Variants in ROR2 observed in about 807,000 individuals in gnomAD.
ROR2 encodes tyrosine-protein kinase transmembrane receptor ROR2.
Under a neutral mutation model 74.9 loss-of-function variants are expected in ROR2, and 33 were observed. That is an observed-to-expected ratio of 0.44 (90% confidence interval 0.33 to 0.59). The LOEUF (loss-of-function observed/expected upper bound fraction) is 0.59, where lower values mean the gene tolerates loss of function less well. Among genes scored for constraint, ROR2 ranks in the 20% least tolerant of loss-of-function variants. The pLI, the probability that ROR2 is intolerant of heterozygous loss-of-function variation, is 0.02. For synonymous variants in ROR2, 586 were observed against 558.7 expected (o/e 1.05, Z -0.69); for missense variants, 1,216 against 1,313.8 (o/e 0.93, Z 1.15).
intron 1 of ROR2, among the ~76,000 whole-genome samples, chr9:91,934,262 C>T (rs1195858109): frequency 6.6e-6 from 1 of 152,140 alleles, no homozygotes; most frequent in Non-Finnish European, 1.5e-5. Flanking sequence ...ATACACTGTT[C>T]TGATAGAAAA....
At chr9:91,807,634 G>A (rs528430575) in intron 1 of ROR2, among the ~76,000 whole-genome samples, 3 of 152,270 alleles carry the variant, frequency 2.0e-5, no homozygotes, top group South Asian at 2.1e-4. Context: ...AATGAGGGGG[G>A]ATCAGACGCT....
rs573103641 is a variant in ROR2 at position 91,775,302 on chromosome 9, C to T, written c.175+439G>A. 1.4e-4 allele frequency among the ~76,000 whole-genome samples: 21 copies of T among 152,326 alleles called. No homozygotes were observed. The East Asian group carries it at 3.9e-3, about 28-fold the overall frequency. On this transcript the variant is annotated intron_variant, in intron 2 of 8. Transcript: ENST00000375708. Reference sequence around the variant, plus strand: ...GACCCTACAAATCTATGGTGCATTCCTGCAAGGTGTGCCAAGTGAGCATGG... The same window carrying T: ...GACCCTACAAATCTATGGTGCATTCTTGCAAGGTGTGCCAAGTGAGCATGG...
At chr9:91,892,532 A>ATTT (rs200794281) in intron 1 of ROR2, among the ~76,000 whole-genome samples, 6 of 128,160 alleles carry the variant, frequency 4.7e-5, no homozygotes, top group African/African-American at 1.7e-4. Context: ...TAAGTGTTGG[A>ATTT]TTTTTTTTTT....
chr9:91,934,643 C>A (rs2117986543), intron 1 of ROR2, among the ~76,000 whole-genome samples: 1 of 152,024 alleles, frequency 6.6e-6, no homozygotes, highest in South Asian at 2.1e-4. Context: ...TTTTTAGGGC[C>A]CCATAGAAAT....
In ROR2 at chr9:91,948,804, T is replaced by C. The variant is rs529580416; in HGVS notation, c.97+1063A>G. 1.2e-5 allele frequency: 12 copies of C among 985,462 alleles called. No individual in the cohort carries two copies. In the South Asian group the frequency reaches 1.4e-4, roughly 12 times the overall value. The allele number at this position is 985,462 out of a possible 1,614,324, so 61.0% of individuals were successfully genotyped here. On this transcript the variant is annotated intron_variant, in intron 1 of 8. Transcript: ENST00000375708. ...TTCCGGGGGCTTCAGGCGAACCCCA[T>C]AGGTCTCTGGCGCTCCTGGGCCTGA... is the stretch of plus-strand genomic sequence containing the variant.
At chr9:91,756,224 C>A in intron 3 of ROR2, 123 bp from the exon 4 acceptor site, 1 of 884,684 alleles carries the variant, frequency 1.1e-6, no homozygotes, top group Non-Finnish European at 1.9e-6. Context: ...CAGCTGTCCT[C>A]GGGCCTCAGG....
chr9:91,867,395 T>A (rs552877397), intron 1 of ROR2, among the ~76,000 whole-genome samples: 1 of 152,144 alleles, frequency 6.6e-6, no homozygotes, highest in Non-Finnish European at 1.5e-5. Context: ...AATTCTGCAA[T>A]TGGAGGAGCT....
intron 2 of ROR2, among the ~76,000 whole-genome samples, chr9:91,769,875 G>T (rs976594221): frequency 6.6e-6 from 1 of 152,174 alleles, no homozygotes; most frequent in Admixed American, 6.5e-5. Flanking sequence ...GCCTCATACT[G>T]GGACGTTTTC....
chr9:91,764,763 T>C (rs1242555884), intron 2 of ROR2, among the ~76,000 whole-genome samples: 1 of 152,178 alleles, frequency 6.6e-6, no homozygotes, highest in Non-Finnish European at 1.5e-5. Flanking sequence ...ATAACATTCA[T>C]TCTTTGGGTA....
At chr9:91,845,063 G>C (rs1010531948) in intron 1 of ROR2, among the ~76,000 whole-genome samples, 16 of 152,102 alleles carry the variant, frequency 1.1e-4, no homozygotes, top group Admixed American at 1.0e-3. Flanking sequence ...GGCCTGTAAG[G>C]GGAGGGGCAG....
At chr9:91,922,610 T>C (rs1892264) in intron 1 of ROR2, among the ~76,000 whole-genome samples, 7 of 152,212 alleles carry the variant, frequency 4.6e-5, no homozygotes, top group Non-Finnish European at 1.0e-4. Flanking sequence ...CGTACCACCA[T>C]GCCCGGCTAA....
chr9:91,851,780 G>C (rs1189379251), intron 1 of ROR2, among the ~76,000 whole-genome samples: 2 of 152,066 alleles, frequency 1.3e-5, no homozygotes, highest in Non-Finnish European at 2.9e-5. Context: ...TTCCAGACCA[G>C]TGTGGCCAAC....
At chr9:91,932,773 G>C (rs764724483) in intron 1 of ROR2, among the ~76,000 whole-genome samples, 5 of 152,172 alleles carry the variant, frequency 3.3e-5, no homozygotes, top group Admixed American at 2.0e-4. Flanking sequence ...TTATTTGCCA[G>C]AAAAAAGAAA....
chr9:91,746,893 A>G (rs1825440136), intron 4 of ROR2, among the ~76,000 whole-genome samples: 1 of 148,386 alleles, frequency 6.7e-6, no homozygotes, highest in Non-Finnish European at 1.5e-5. Context: ...TGTGTGTAGC[A>G]CAATATGCAT....
chr9:91,930,982 C>G (rs1831535623), intron 1 of ROR2, among the ~76,000 whole-genome samples: 1 of 152,044 alleles, frequency 6.6e-6, no homozygotes, highest in African/African-American at 2.4e-5. Flanking sequence ...CACTTTTTTA[C>G]CTTCTAATCA....
In ROR2 at chr9:91,949,877, G is replaced by A. The variant is rs1480196584; in HGVS notation, c.87C>T (p.Ser29=). ...AACGCCAGATCCTACCTGAAGTCCG[G>A]GACACTGAGAGCAGAAGCGCGGCGG... ...WAAAALLLSV[S]RTSGEVEVLD... The change falls in exon 1 of 9, where the codon TCC becomes TCT. Residue 29 remains serine (S), a synonymous_variant. Coordinates refer to ENST00000375708, the MANE Select transcript of ROR2 (RefSeq NM_004560.4). 6.5e-7 allele frequency: 1 copy of A among 1,539,776 alleles called. No individual in the cohort carries two copies. Among genetic ancestry groups the A allele is most frequent in the Non-Finnish European group, 8.8e-7 (1 of 1,139,616 alleles).
intron 4 of ROR2, among the ~76,000 whole-genome samples, chr9:91,751,374 A>T (rs564122062): frequency 1.3e-4 from 20 of 152,346 alleles, no homozygotes; most frequent in African/African-American, 4.8e-4. Context: ...AGACCTACAT[A>T]AAACAGAACA....
intron 1 of ROR2, among the ~76,000 whole-genome samples, chr9:91,820,053 G>A (rs76181504): frequency 1.1e-3 from 162 of 152,268 alleles, no homozygotes; most frequent in African/African-American, 3.7e-3. Flanking sequence ...TAAGAAGGTC[G>A]GGATGGTGAT....
chr9:91,850,655 G>A (rs962044429), intron 1 of ROR2, among the ~76,000 whole-genome samples: 1 of 152,160 alleles, frequency 6.6e-6, no homozygotes, highest in African/African-American at 2.4e-5. Context: ...AACTGTAAGG[G>A]GATAAATTTG....
Sources: gnomAD v4.1 joint callset for allele counts (sites outside exome capture counted in the v4.1 genomes callset) on GRCh38, gnomAD v4.1.1 for gene constraint, MANE v1.5 for transcripts, NCBI Gene and HGNC (gene_info 2026-07-23, HGNC 2026-07-21) for gene names.